The following ZNF883 variants were observed in gnomAD, a reference collection of about 807,000 sequenced individuals.
ZNF883 encodes zinc finger protein 883.
At chr9:112,991,701 T>C (rs1828304815) in intron 1 of ZNF883, among the ~76,000 whole-genome samples, 1 of 152,168 alleles carries the variant, frequency 6.6e-6, no homozygotes, top group Non-Finnish European at 1.5e-5. Context: ...CCCACTGTTA[T>C]TGTGTGGGAA....
rs953350217 is a variant in ZNF883, at chr9:113,007,857, C to G, written n.165+3284G>C. The stretch of plus-strand genomic sequence containing the variant: ...ACTGGCAGAGCTAGGACTATAGCCT[C>G]TCCCCTATTCTCGAGTTCAGCATTA... On this transcript the variant is annotated intron_variant and non_coding_transcript_variant, in intron 2 of 4. Coordinates refer to the ZNF883 transcript ENST00000638622. Among the ~76,000 whole-genome samples, 42 of 152,274 alleles carry G rather than the reference C, an allele frequency of 2.8e-4. 1 individual carries two copies. Among genetic ancestry groups the G allele is most frequent in the Admixed American group, 2.6e-3 (40 of 15,288 alleles).
chr9:113,001,245 T>A (rs576914411), upstream of ZNF883, among the ~76,000 whole-genome samples: 156 of 152,212 alleles, frequency 1.0e-3, no homozygotes, highest in African/African-American at 3.7e-3. Flanking sequence ...AGATAAAAAA[T>A]TTTTAGGCAA....
At chr9:113,004,424 C>CAAAA (rs1828456274) in intron 2 of ZNF883, among the ~76,000 whole-genome samples, 2 of 152,084 alleles carry the variant, frequency 1.3e-5, no homozygotes, top group Non-Finnish European at 2.9e-5. Flanking sequence ...TCTCAAAATT[C>CAAAA]ATATGTTGAA....
chr9:113,006,657 C>T (rs1828479688), intron 2 of ZNF883, among the ~76,000 whole-genome samples: 2 of 152,078 alleles, frequency 1.3e-5, no homozygotes, highest in East Asian at 3.9e-4. Context: ...TTTCCTGTAT[C>T]AACAGTCCAT....
chr9:112,998,327 T>C (rs1828386999), upstream of ZNF883: 1 of 1,244,730 alleles, frequency 8.0e-7, no homozygotes, highest in East Asian at 2.6e-5. Context: ...AGGTGTTGGC[T>C]TTTCATTTAT....
exon 1 of ZNF883, chr9:112,998,238 T>A (rs758122618): frequency 6.3e-7 from 1 of 1,596,220 alleles, no homozygotes; most frequent in Non-Finnish European, 8.5e-7. Flanking sequence ...TTCGCGGTCA[T>A]ATAAATTTTC....
upstream of ZNF883, chr9:112,998,455 C>T (rs1828388366): frequency 2.4e-6 from 1 of 421,654 alleles, no homozygotes; most frequent in Admixed American, 4.1e-5. Flanking sequence ...GCTTCAGGTT[C>T]CTACCATTGA....
At chr9:113,005,550 T>G (rs1001977947) in intron 2 of ZNF883, among the ~76,000 whole-genome samples, 5 of 152,218 alleles carry the variant, frequency 3.3e-5, no homozygotes, top group African/African-American at 1.2e-4. Context: ...TCTCATATAC[T>G]CTTAGTGGAA....
intron 1 of ZNF883, among the ~76,000 whole-genome samples, chr9:112,989,626 C>T (rs1042514934): frequency 6.6e-5 from 10 of 151,958 alleles, no homozygotes; most frequent in South Asian, 2.1e-4. Context: ...TCCATATGAA[C>T]ATTAAAGTAG....
exon 1 of ZNF883, chr9:112,997,397 G>C (rs373647277): frequency 6.8e-6 from 11 of 1,613,864 alleles, no homozygotes; most frequent in Non-Finnish European, 9.3e-6. Context: ...TTTCACACAA[G>C]AATGAATTTT....
chr9:112,995,840 A>G (rs1284353414), downstream of ZNF883, among the ~76,000 whole-genome samples: 2 of 152,038 alleles, frequency 1.3e-5, no homozygotes, highest in Admixed American at 6.5e-5. Flanking sequence ...GTTTCCTTCC[A>G]TATATATTTA....
At chr9:113,005,302 A>C (rs540947566) in intron 2 of ZNF883, among the ~76,000 whole-genome samples, 6 of 152,200 alleles carry the variant, frequency 3.9e-5, no homozygotes, top group Non-Finnish European at 8.8e-5. Context: ...TTTCTGTATT[A>C]TATATAGTTT....
upstream of ZNF883, chr9:113,001,876 CATCTGTTTAGTACAGAA>C (rs1002162126): frequency 6.6e-6 from 1 of 152,168 alleles, no homozygotes; most frequent in African/African-American, 2.4e-5. Flanking sequence ...AAAGGACTAT[CATCTGTTTAGTACAGAA>C]ATATCTTGTC....
downstream of ZNF883, chr9:112,997,096 T>C: frequency 6.4e-7 from 1 of 1,553,732 alleles, no homozygotes; most frequent in Non-Finnish European, 8.7e-7. Context: ...AACCTACGAC[T>C]GACTGCAGGC....
intron 2 of ZNF883, among the ~76,000 whole-genome samples, chr9:113,008,783 G>C (rs185299141): frequency 1.3e-5 from 2 of 152,072 alleles, no homozygotes; most frequent in African/African-American, 2.4e-5. Context: ...ATAAATTAGA[G>C]TCCAGGCCAT....
chr9:113,002,310 T>C (rs1488303730), upstream of ZNF883, among the ~76,000 whole-genome samples: 1 of 152,084 alleles, frequency 6.6e-6, no homozygotes, highest in Non-Finnish European at 1.5e-5. Context: ...AAAACAATAA[T>C]GGTGATTTAA....
At chr9:112,997,969 A>C (rs776395167) in exon 1 of ZNF883, 1 of 1,613,872 alleles carries the variant, frequency 6.2e-7, no homozygotes, top group South Asian at 1.1e-5. Context: ...CATTACACTC[A>C]TAAGGTTTCT....
At chr9:113,002,691 AATC>A (rs1828437999), upstream of ZNF883, among the ~76,000 whole-genome samples, 1 of 152,206 alleles carries the variant, frequency 6.6e-6, no homozygotes, top group African/African-American at 2.4e-5. Context: ...TTTTTCTTTT[AATC>A]ATCATTTAGC....
chr9:112,997,843 G>C (rs1253639358), exon 1 of ZNF883: 1 of 1,613,052 alleles, frequency 6.2e-7, no homozygotes, highest in South Asian at 1.1e-5. Flanking sequence ...GTTGAGTAAG[G>C]GCAGAGATAT....
Sources: gnomAD v4.1 joint callset for allele counts (sites outside exome capture counted in the v4.1 genomes callset) on GRCh38, gnomAD v4.1.1 for gene constraint, MANE v1.5 for transcripts, NCBI Gene and HGNC (gene_info 2026-07-23, HGNC 2026-07-21) for gene names.